The following OR4F17 variants were observed in gnomAD, a reference collection of about 807,000 sequenced individuals.
The protein encoded by OR4F17 is olfactory receptor 4F17.
For missense variants in OR4F17, 1 was observed against 323.6 expected, an observed-to-expected ratio of 0.00 and a Z score of 7.65; for synonymous variants, 1 against 120.7, an observed-to-expected ratio of 0.01 and a Z score of 6.50.
At chr19:109,103 A>T (rs1287554882) in intron 2 of OR4F17, among the ~76,000 whole-genome samples, 23 of 151,636 alleles carry the variant, frequency 1.5e-4, no homozygotes, top group Non-Finnish European at 2.7e-4. Context: ...CTCCCGTGGA[A>T]TGTTAGTGAT....
At chr19:107,759 T>A (rs1324011943) in intron 2 of OR4F17, among the ~76,000 whole-genome samples, 2 of 130,664 alleles carry the variant, frequency 1.5e-5, no homozygotes, top group South Asian at 2.2e-4. Flanking sequence ...TATATATATA[T>A]TATATATACT....
At chr19:108,335 A>G (rs2145136395) in intron 2 of OR4F17, among the ~76,000 whole-genome samples, 1 of 151,556 alleles carries the variant, frequency 6.6e-6, no homozygotes, top group East Asian at 1.9e-4. Context: ...AACTCCTTTA[A>G]TAAGCCTAAA....
intron 2 of OR4F17, among the ~76,000 whole-genome samples, chr19:108,752 C>G (rs1340290410): frequency 6.6e-6 from 1 of 151,834 alleles, no homozygotes; most frequent in Non-Finnish European, 1.5e-5. Context: ...CAGAAATTAT[C>G]TCACAATAAA....
intron 2 of OR4F17, among the ~76,000 whole-genome samples, chr19:108,119 ATAT>A (rs1345552843): frequency 4.6e-5 from 6 of 131,520 alleles, no homozygotes; most frequent in African/African-American, 1.1e-4. Context: ...AATATAATAT[ATAT>A]TATATTTATA....
chr19:108,026 AT>A (rs1256755425), intron 2 of OR4F17, among the ~76,000 whole-genome samples: 2 of 99,472 alleles, frequency 2.0e-5, no homozygotes, highest in African/African-American at 7.8e-5. Context: ...TATATTATAT[AT>A]TATAGAATAT....
chr19:109,841 A>G (rs1351872277), intron 2 of OR4F17, among the ~76,000 whole-genome samples: 1 of 151,960 alleles, frequency 6.6e-6, no homozygotes, highest in East Asian at 1.9e-4. Flanking sequence ...GCTCGATGGG[A>G]TCTTACAGGT....
Position 107,837 on chromosome 19 carries a change from A to T in OR4F17, c.-55+282A>T. Among the ~76,000 whole-genome samples the T allele has an allele frequency of 3.4e-5, 4 of 117,198 alleles. 2 individuals are homozygous for T. Among genetic ancestry groups the T allele is most frequent in the African/African-American group, 1.2e-4 (4 of 32,120 alleles). The allele number at this position is 117,198 out of a possible 152,430, so 76.9% of individuals were successfully genotyped here. A position where few individuals can be genotyped will look rare whatever the true frequency, so the allele number is the denominator to read the frequency against. ...TTATATAATATATAATATAAATATA[A>T]TATAAATTATATAAATATAATATAT... On this transcript the variant is annotated intron_variant, in intron 2 of 2. Transcript: ENST00000585993.
intron 2 of OR4F17, among the ~76,000 whole-genome samples, 181 bp downstream of exon 2, chr19:107,736 T>G (rs1219218907): frequency 7.1e-6 from 1 of 140,646 alleles, no homozygotes; most frequent in Non-Finnish European, 1.5e-5. Context: ...TATAAGGACA[T>G]AAGGCATTTA....
intron 2 of OR4F17, among the ~76,000 whole-genome samples, chr19:110,110 A>C (rs1314434434): frequency 6.8e-6 from 1 of 147,654 alleles, no homozygotes; most frequent in Non-Finnish European, 1.5e-5. Context: ...CTCTCATTTA[A>C]ACTTTATTGC....
chr19:108,925 G>A (rs1257266362), intron 2 of OR4F17, among the ~76,000 whole-genome samples: 1 of 151,814 alleles, frequency 6.6e-6, no homozygotes, highest in Non-Finnish European at 1.5e-5. Context: ...TTTAAAAACA[G>A]TAATGTGCTG....
At position 107,536 on chromosome 19, in the gene OR4F17, A is replaced by G; in HGVS notation, c.-74A>G. Reference sequence around the variant, plus strand: ...ATAATACCAGTGAAACTTGGTTTGGAGCATTTCTTTCACATAAAGGTACAA... The same window carrying G: ...ATAATACCAGTGAAACTTGGTTTGGGGCATTTCTTTCACATAAAGGTACAA... On this transcript the variant is annotated 5_prime_UTR_variant, in exon 2 of 3. Transcript: ENST00000585993. 1 of 460,934 alleles carries G rather than the reference A, an allele frequency of 2.2e-6. No homozygotes were observed. The highest frequency in any genetic ancestry group is 4.3e-6 in the Non-Finnish European group (1 of 234,428). The allele number at this position is 460,934 out of a possible 1,614,324, so 28.6% of individuals were successfully genotyped here.
chr19:107,744 T>TTATA (rs917851874), intron 2 of OR4F17, among the ~76,000 whole-genome samples, 189 bp downstream of exon 2: 3 of 132,488 alleles, frequency 2.3e-5, no homozygotes, highest in African/African-American at 2.8e-5. Context: ...CATAAGGCAT[T>TTATA]TATATATATA....
intron 2 of OR4F17, among the ~76,000 whole-genome samples, 188 bp downstream of exon 2, chr19:107,743 T>TA: frequency 7.3e-6 from 1 of 136,206 alleles, no homozygotes; most frequent in Non-Finnish European, 1.5e-5. Flanking sequence ...ACATAAGGCA[T>TA]TTATATATAT....
chr19:108,843 T>C (rs1187979207), intron 2 of OR4F17, among the ~76,000 whole-genome samples: 1 of 152,180 alleles, frequency 6.6e-6, no homozygotes, highest in Non-Finnish European at 1.5e-5. Context: ...AAGTGAATGT[T>C]CATGATTTAT....
intron 2 of OR4F17, among the ~76,000 whole-genome samples, chr19:110,174 T>C (rs1968687480): frequency 1.3e-5 from 2 of 149,656 alleles, no homozygotes; most frequent in Admixed American, 1.4e-4. Context: ...TTTTATCCTC[T>C]GTTAATTTTT....
At chr19:107,387 C>CA (rs1968621728) in intron 1 of OR4F17, 86 bp from the exon 2 acceptor site, 1 of 370,122 alleles carries the variant, frequency 2.7e-6, no homozygotes, top group Non-Finnish European at 5.2e-6. Flanking sequence ...ATGCTGGCAA[C>CA]AATTGTCGAG....
At chr19:108,379 C>T (rs1215885968) in intron 2 of OR4F17, among the ~76,000 whole-genome samples, 5 of 151,772 alleles carry the variant, frequency 3.3e-5, no homozygotes, top group Admixed American at 6.6e-5. Context: ...TACAATTCTT[C>T]TAAATTTTTT....
intron 2 of OR4F17, among the ~76,000 whole-genome samples, chr19:107,879 TA>T (rs1968637287): frequency 4.7e-5 from 2 of 42,898 alleles, no homozygotes; most frequent in Non-Finnish European, 3.8e-5. Context: ...TTATATAATA[TA>T]ATATATATTA....
At chr19:108,454 G>A (rs1291056043) in intron 2 of OR4F17, among the ~76,000 whole-genome samples, 1 of 151,378 alleles carries the variant, frequency 6.6e-6, no homozygotes, top group African/African-American at 2.4e-5. Flanking sequence ...GATCCCCTCA[G>A]CAGCACAAAT....
Sources: allele counts gnomAD v4.1 joint callset (sites outside exome capture counted in the v4.1 genomes callset), GRCh38; gene constraint gnomAD v4.1.1; transcripts MANE v1.5; gene names NCBI Gene and HGNC (gene_info 2026-07-23, HGNC 2026-07-21).